LYPLAL1: variants seen among roughly 807,000 people sequenced by gnomAD.
LYPLAL1 encodes the protein lysophospholipase-like protein 1.
Under a neutral mutation model 19.7 loss-of-function variants are expected in LYPLAL1, and 23 were observed. The ratio of observed to expected loss-of-function variants is 1.17; its 90% CI spans 0.84 to 1.65. The LOEUF is 1.65. LYPLAL1 is among the 40% of genes most tolerant of loss of function. The pLI is 0.00. For synonymous variants in LYPLAL1, 119 were observed against 96.3 expected, an observed-to-expected ratio of 1.24 and a Z score of -1.38; for missense variants, 355 against 279.4, an observed-to-expected ratio of 1.27 and a Z score of -1.93.
chr1:219,354,850 T>C, the LYPLAL1 span, among the ~76,000 whole-genome samples: 8 of 152,304 alleles, frequency 5.3e-5, no homozygotes, highest in African/African-American at 1.4e-4. Context: ...AGTAAGTAGA[T>C]TAAATATAAA....
chr1:219,219,716 G>A, the LYPLAL1 span, among the ~76,000 whole-genome samples: 1 of 152,070 alleles, frequency 6.6e-6, no homozygotes. Context: ...TCATGTTTGT[G>A]TGTGTGTGTG....
In LYPLAL1 at chr1:219,211,518, TC is replaced by T. The variant is rs751480605; in HGVS notation, c.506del (p.Pro169LeufsTer13). 1.9e-6 allele frequency: 3 copies of T among 1,611,552 alleles called. No homozygotes were observed. The highest frequency in any genetic ancestry group is 2.5e-6 in the Non-Finnish European group (3 of 1,178,232). On this transcript the variant is annotated frameshift_variant, in exon 5 of 5. Coordinates refer to ENST00000366928, the MANE Select transcript of LYPLAL1 (RefSeq NM_138794.5). LOFTEE classifies it low-confidence loss of function (END_TRUNC). ...QALQKSNGVLPELFQCHGTAD... is the reference protein window; with the variant it reads ...QALQKSNGVLXELFQCHGTAD... ...CTCTTCAGAAGAGTAATGGTGTACT[TC>T]CTGAATTATTTCAGTGTCATGGTAC... is the stretch of plus-strand genomic sequence containing the variant.
chr1:219,207,761 G>A (rs532812608), intron 3 of LYPLAL1, among the ~76,000 whole-genome samples: 129 of 152,106 alleles, frequency 8.5e-4, no homozygotes, highest in African/African-American at 3.0e-3. Flanking sequence ...GTCTGATTTT[G>A]AATTTTATGT....
At chr1:219,292,522 G>T in the LYPLAL1 span, among the ~76,000 whole-genome samples, 8 of 152,160 alleles carry the variant, frequency 5.3e-5, no homozygotes, top group Non-Finnish European at 8.8e-5. Flanking sequence ...CTACCAGTCT[G>T]CAGGACATGC....
the LYPLAL1 span, among the ~76,000 whole-genome samples, chr1:219,276,495 G>C: frequency 2.0e-5 from 3 of 152,214 alleles, no homozygotes; most frequent in Non-Finnish European, 2.9e-5. Context: ...AATTGAGTCA[G>C]CCAGAGGGTA....
At chr1:219,323,272 C>G in the LYPLAL1 span, among the ~76,000 whole-genome samples, 1 of 151,970 alleles carries the variant, frequency 6.6e-6, no homozygotes, top group Non-Finnish European at 1.5e-5. Context: ...CTAACATGAA[C>G]TAGGAAAAAA....
intron 2 of LYPLAL1, among the ~76,000 whole-genome samples, chr1:219,191,629 G>A (rs562882645): frequency 1.3e-5 from 2 of 151,598 alleles, no homozygotes; most frequent in African/African-American, 2.4e-5. Context: ...ACAGTTTACC[G>A]AATGTAAAGG....
the LYPLAL1 span, among the ~76,000 whole-genome samples, chr1:219,313,266 A>G: frequency 5.9e-5 from 9 of 152,170 alleles, no homozygotes; most frequent in Non-Finnish European, 1.3e-4. Flanking sequence ...ACCAACAACA[A>G]ACTACTTAAC....
At chr1:219,207,177 CT>C (rs1658641522) in intron 3 of LYPLAL1, among the ~76,000 whole-genome samples, 1 of 150,762 alleles carries the variant, frequency 6.6e-6, no homozygotes, top group African/African-American at 2.4e-5. Flanking sequence ...AATAAATTTG[CT>C]CCTGCAGCCT....
In LYPLAL1 at chr1:219,174,925, G is replaced by C. The variant is rs1268624114; in HGVS notation, c.91+944G>C. The C allele has an allele frequency of 4.1e-6, 4 of 985,330 alleles. No individual in the cohort carries two copies. The South Asian group carries it at 1.9e-4, about 46-fold the overall frequency. 61.0% of individuals were successfully genotyped at this position (985,330 alleles called of 1,614,324 possible). A position where few individuals can be genotyped will look rare whatever the true frequency, so the allele number is the denominator to read the frequency against. On this transcript the variant is annotated intron_variant, in intron 1 of 4. Transcript: ENST00000366928. ...TGCATGGTTTCCTGCCAAGTGAATT[G>C]TAAGAGAAAAAAATGTGGTTAGGCA...
the LYPLAL1 span, among the ~76,000 whole-genome samples, chr1:219,422,045 A>G: frequency 1.3e-5 from 2 of 152,146 alleles, 1 homozygote; most frequent in Non-Finnish European, 2.9e-5. Context: ...AGTTAACACA[A>G]CCTACGCTGG....
chr1:219,343,542 T>C, the LYPLAL1 span, among the ~76,000 whole-genome samples: 1 of 152,188 alleles, frequency 6.6e-6, no homozygotes, highest in Non-Finnish European at 1.5e-5. Context: ...CTCAATTATT[T>C]TTAGTTACTC....
chr1:219,273,484 G>A, the LYPLAL1 span: 1 of 152,162 alleles, frequency 6.6e-6, no homozygotes, highest in African/African-American at 2.4e-5. Context: ...ACCTAATGAC[G>A]ACAGCTTAGG....
the LYPLAL1 span, among the ~76,000 whole-genome samples, chr1:219,427,232 G>A: frequency 2.6e-3 from 399 of 152,204 alleles, 2 homozygotes; most frequent in African/African-American, 9.2e-3. Context: ...TTATTAAAGT[G>A]TAAAAATGTG....
the LYPLAL1 span, among the ~76,000 whole-genome samples, chr1:219,239,855 C>T: frequency 6.6e-6 from 1 of 152,172 alleles, no homozygotes; most frequent in Non-Finnish European, 1.5e-5. Flanking sequence ...TTCAGTTGCT[C>T]ATTTTTATGT....
the LYPLAL1 span, among the ~76,000 whole-genome samples, chr1:219,356,315 C>A: frequency 6.6e-6 from 1 of 152,086 alleles, no homozygotes; most frequent in East Asian, 1.9e-4. Context: ...TCCTGGCCAA[C>A]AAGATGAAAC....
chr1:219,406,235 G>A, the LYPLAL1 span, among the ~76,000 whole-genome samples: 5 of 152,138 alleles, frequency 3.3e-5, no homozygotes, highest in African/African-American at 9.7e-5. Context: ...ATTTTAATTC[G>A]CTAAATTTAA....
the LYPLAL1 span, among the ~76,000 whole-genome samples, chr1:219,300,829 C>T: frequency 6.6e-6 from 1 of 152,002 alleles, no homozygotes; most frequent in Non-Finnish European, 1.5e-5. Context: ...GCCACCGTGC[C>T]CGGCCTATCC....
At chr1:219,338,765 C>T in the LYPLAL1 span, among the ~76,000 whole-genome samples, 1 of 151,852 alleles carries the variant, frequency 6.6e-6, no homozygotes, top group Non-Finnish European at 1.5e-5. Flanking sequence ...AGTTTAGTAA[C>T]TCCATGCCTT....
Sources: allele counts gnomAD v4.1 joint callset (sites outside exome capture counted in the v4.1 genomes callset), GRCh38; gene constraint gnomAD v4.1.1; transcripts MANE v1.5; gene names NCBI Gene and HGNC (gene_info 2026-07-23, HGNC 2026-07-21).